The following ZNF112 variants were observed in gnomAD, a reference collection of about 807,000 sequenced individuals.
The protein encoded by ZNF112 is zinc finger protein 112 (Y14).
In ZNF112, 37 loss-of-function variants were observed where a neutral mutation model predicts 77.7. The observed-to-expected ratio is 0.48, with a 90% CI of 0.37 to 0.63. The LOEUF is 0.63. Among genes scored for constraint, ZNF112 ranks in the 20% least tolerant of loss-of-function variants. ZNF112 has a pLI of 0.00. For missense variants in ZNF112, 950 were observed against 1,077.4 expected, an observed-to-expected ratio of 0.88 and a Z score of 1.66; for synonymous variants, 333 against 363.6, an observed-to-expected ratio of 0.92 and a Z score of 0.96.
At chr19:44,364,574 G>C (rs1366366403) in intron 1 of ZNF112, among the ~76,000 whole-genome samples, 1 of 151,934 alleles carries the variant, frequency 6.6e-6, no homozygotes, top group Non-Finnish European at 1.5e-5. Flanking sequence ...AGATCTTCAA[G>C]CCAGTGGATA....
rs376822431 is a variant in ZNF112, at chr19:44,351,095, A to G, written c.-4+5531T>C. Among the ~76,000 whole-genome samples the G allele has an allele frequency of 2.6e-5, 4 of 152,064 alleles. No individual in the cohort carries two copies. In the South Asian group the frequency reaches 8.3e-4, roughly 31 times the overall value. On this transcript the variant is annotated intron_variant, in intron 1 of 3. Transcript: ENST00000354340. ...CATTTCCTTGCCTTTTCTAACTTCT[A>G]GAGGCTGCTGGAATTCCTTGGCTTA...
chr19:44,356,290 A>G (rs981105415), intron 1 of ZNF112, among the ~76,000 whole-genome samples: 2 of 152,200 alleles, frequency 1.3e-5, no homozygotes, highest in Admixed American at 1.3e-4. Flanking sequence ...ATTTTAAAGA[A>G]AAAGAAACAT....
At chr19:44,359,696 T>G (rs1970835991), upstream of ZNF112, among the ~76,000 whole-genome samples, 1 of 152,228 alleles carries the variant, frequency 6.6e-6, no homozygotes, top group Non-Finnish European at 1.5e-5. Context: ...TTCAAATAAT[T>G]GATAAGGTTT....
chr19:44,337,365 TTA>T lies in ZNF112; in HGVS notation c.125-649_125-648del, dbSNP rs1388783548. ...TTGTATATGTGTAAAATATATATTATTATATATATTTTATATATAATAATATA... is the reference window on the plus strand; with the variant it reads ...TTGTATATGTGTAAAATATATATTATTATATATTTTATATATAATAATATA... On this transcript the variant is annotated intron_variant, in intron 2 of 3. Transcript: ENST00000354340. Among the ~76,000 whole-genome samples the T allele has an allele frequency of 5.3e-3, 312 of 58,452 alleles. 17 individuals carry two copies. Among genetic ancestry groups the T allele is most frequent in the African/African-American group, 0.024 (297 of 12,612 alleles). 38.3% of individuals were successfully genotyped at this position (58,452 alleles called of 152,430 possible).
intron 2 of ZNF112, among the ~76,000 whole-genome samples, chr19:44,337,388 A>ATATTATATATATTT (rs1970396550): frequency 1.7e-5 from 1 of 58,198 alleles, no homozygotes; most frequent in African/African-American, 8.0e-5. Context: ...ATATATAATA[A>ATATTATATATATTT]TATATATAAT....
chr19:44,365,019 T>C (rs1244285062), intron 1 of ZNF112, among the ~76,000 whole-genome samples: 1 of 151,734 alleles, frequency 6.6e-6, no homozygotes, highest in Non-Finnish European at 1.5e-5. Context: ...GGTGTTCCCT[T>C]CCCTTTTCGT....
intron 1 of ZNF112, among the ~76,000 whole-genome samples, chr19:44,346,189 T>G (rs1970586640): frequency 6.6e-6 from 1 of 152,220 alleles, no homozygotes; most frequent in Non-Finnish European, 1.5e-5. Context: ...GAGCCCAGGC[T>G]ACAGAATCAA....
chr19:44,360,262 AAAAAAAGAAAAGAAAAAAG>A (rs1486882317), upstream of ZNF112, among the ~76,000 whole-genome samples: 73 of 151,682 alleles, frequency 4.8e-4, no homozygotes, highest in African/African-American at 1.7e-3. Flanking sequence ...CTCAAGAAAA[AAAAAAAGAAAAGAAAAAAG>A]AAAGAAAAAG....
chr19:44,343,678 T>A (rs1336588275), intron 1 of ZNF112, among the ~76,000 whole-genome samples: 2 of 152,200 alleles, frequency 1.3e-5, no homozygotes, highest in African/African-American at 4.8e-5. Context: ...TAACCATGGT[T>A]AAATTCATGA....
At chr19:44,337,834 T>TACACAA (rs1220962085) in intron 2 of ZNF112, among the ~76,000 whole-genome samples, 1 of 18,436 alleles carries the variant, frequency 5.4e-5, no homozygotes, top group Non-Finnish European at 9.7e-5. Flanking sequence ...TGTATATACA[T>TACACAA]ACACATACAC....
At chr19:44,359,064 C>T (rs941659817), upstream of ZNF112, among the ~76,000 whole-genome samples, 4 of 152,172 alleles carry the variant, frequency 2.6e-5, no homozygotes, top group African/African-American at 9.7e-5. Context: ...TAAACAACTT[C>T]CCAAAGACTG....
chr19:44,352,127 G>C (rs1219434834), intron 1 of ZNF112, among the ~76,000 whole-genome samples: 1 of 152,048 alleles, frequency 6.6e-6, no homozygotes, highest in African/African-American at 2.4e-5. Context: ...GATGTTTCTG[G>C]GCGATGGAAC....
At chr19:44,358,088 C>G (rs1455592204), upstream of ZNF112, among the ~76,000 whole-genome samples, 2 of 147,368 alleles carry the variant, frequency 1.4e-5, no homozygotes, top group Non-Finnish European at 3.0e-5. Context: ...GGAGGCGGAG[C>G]TTGCAGTGAG....
intron 2 of ZNF112, 114 bp from the exon 3 acceptor site, chr19:44,336,832 C>T: frequency 1.3e-6 from 1 of 752,946 alleles, no homozygotes; most frequent in Non-Finnish European, 2.3e-6. Flanking sequence ...ATCCCTTCCA[C>T]CCTGTTACCT....
Position 44,329,941 on chromosome 19 carries a change from A to G in ZNF112, c.221-5T>C, listed in dbSNP as rs1970239705. ...TCTTTTGTTGATTCTTCCTTCCTAT[A>G]AGGATAAAGAGAATTCAGATGTGCA... On this transcript the variant is annotated splice_polypyrimidine_tract_variant and splice_region_variant and intron_variant, in intron 3 of 3. Transcript: ENST00000354340. The G allele has an allele frequency of 6.2e-7, 1 of 1,602,454 alleles. No homozygotes were observed. Among genetic ancestry groups the G allele is most frequent in the African/African-American group, 1.3e-5 (1 of 74,576 alleles).
intron 1 of ZNF112, among the ~76,000 whole-genome samples, chr19:44,365,282 C>G (rs1397638299): frequency 6.6e-6 from 1 of 151,916 alleles, no homozygotes; most frequent in Non-Finnish European, 1.5e-5. Context: ...GGTAAAAAAC[C>G]ACCTCTACAA....
intron 1 of ZNF112, among the ~76,000 whole-genome samples, chr19:44,348,127 GTTTATT>G (rs1332451954): frequency 6.6e-6 from 1 of 151,974 alleles, no homozygotes; most frequent in Non-Finnish European, 1.5e-5. Flanking sequence ...AAGAATTTTT[GTTTATT>G]TTTAATTTTC....
intron 1 of ZNF112, among the ~76,000 whole-genome samples, chr19:44,365,471 T>C (rs1204563913): frequency 9.5e-6 from 1 of 105,174 alleles, no homozygotes; most frequent in African/African-American, 2.8e-5. Flanking sequence ...AAAAAAATTA[T>C]ATATATATAT....
intron 1 of ZNF112, among the ~76,000 whole-genome samples, chr19:44,365,562 T>C (rs1051404860): frequency 6.6e-6 from 1 of 152,184 alleles, no homozygotes; most frequent in Non-Finnish European, 1.5e-5. Context: ...TAGATATTTC[T>C]TTTTGAGTGA....
Sources: allele counts gnomAD v4.1 joint callset (sites outside exome capture counted in the v4.1 genomes callset), GRCh38; gene constraint gnomAD v4.1.1; transcripts MANE v1.5; gene names NCBI Gene and HGNC (gene_info 2026-07-23, HGNC 2026-07-21).